AFF3: variants seen among roughly 807,000 people sequenced by gnomAD.
AFF3 encodes the protein ALF transcription elongation factor 3, also known as AF4/FMR2 family member 3.
A neutral mutation model predicts 129.7 loss-of-function variants in AFF3; 32 were observed. The observed-to-expected ratio is 0.25, with a 90% CI of 0.19 to 0.33. The LOEUF (loss-of-function observed/expected upper bound fraction) is 0.33, where lower values mean the gene tolerates loss of function less well. AFF3 is among the 10% of genes least tolerant of loss of function. AFF3 has a pLI of 1.00. For synonymous variants in AFF3, 644 were observed against 635.4 expected (o/e 1.01, Z -0.20); for missense variants, 1,373 against 1,592.0 (o/e 0.86, Z 2.34).
chr2:99,612,806 T>C (rs763505220), intron 13 of AFF3, among the ~76,000 whole-genome samples: 2 of 152,200 alleles, frequency 1.3e-5, no homozygotes, highest in Admixed American at 6.5e-5. Flanking sequence ...TTCCGTGACC[T>C]TGCCTAAATA....
intron 7 of AFF3, among the ~76,000 whole-genome samples, chr2:99,983,059 A>G (rs1458187342): frequency 2.6e-5 from 4 of 152,236 alleles, no homozygotes; most frequent in Non-Finnish European, 5.9e-5. Context: ...CAAAAGTCTC[A>G]GCCCCTTAAA....
In AFF3 at chr2:99,867,962, C is replaced by T. The variant is rs536624575; in HGVS notation, c.874-30438G>A. 4.6e-5 allele frequency among the ~76,000 whole-genome samples: 7 copies of T among 152,200 alleles called. No individual in the cohort carries two copies. The South Asian group carries it at 8.3e-4, about 18-fold the overall frequency. On this transcript the variant is annotated intron_variant, in intron 7 of 24. Coordinates refer to ENST00000672756, the MANE Select transcript of AFF3 (RefSeq NM_001386135.1). ...ACGTGGAGGGAGAGATTAGCGTTCC[C>T]CCACAGCTGTCAAGCTGGGCCCCTC...
chr2:99,592,998 T>C (rs1042691948), intron 15 of AFF3, among the ~76,000 whole-genome samples, 197 bp downstream of exon 15: 4 of 141,312 alleles, frequency 2.8e-5, no homozygotes, highest in Admixed American at 1.6e-4. Flanking sequence ...AGGACTAAGT[T>C]AGATGTTAAG....
intron 8 of AFF3, among the ~76,000 whole-genome samples, chr2:99,810,818 G>A (rs1686732234): frequency 6.6e-6 from 1 of 152,194 alleles, no homozygotes; most frequent in Non-Finnish European, 1.5e-5. Flanking sequence ...GGGAAACTCT[G>A]TTCTTGCTCC....
intron 1 of AFF3, among the ~76,000 whole-genome samples, chr2:100,133,129 G>T (rs185563163): frequency 6.6e-6 from 1 of 151,466 alleles, no homozygotes; most frequent in Non-Finnish European, 1.5e-5. Context: ...GTCTGGGTGC[G>T]GTGGCTCACA....
At chr2:100,077,410 G>A (rs1231408664) in intron 4 of AFF3, among the ~76,000 whole-genome samples, 1 of 152,088 alleles carries the variant, frequency 6.6e-6, no homozygotes, top group Non-Finnish European at 1.5e-5. Context: ...CCGTGAGTCA[G>A]AATGTGGAGC....
chr2:99,596,321 A>G (rs1467111765), intron 14 of AFF3, among the ~76,000 whole-genome samples: 1 of 152,240 alleles, frequency 6.6e-6, no homozygotes, highest in Non-Finnish European at 1.5e-5. Context: ...AAAGCAGGAC[A>G]GTGGGACACG....
chr2:99,603,844 C>T (rs1680074731), intron 13 of AFF3, among the ~76,000 whole-genome samples: 1 of 152,158 alleles, frequency 6.6e-6, no homozygotes, highest in Non-Finnish European at 1.5e-5. Context: ...CAAAAGAAGA[C>T]ATACATGTGG....
At chr2:100,132,097 C>A (rs1464334061) in intron 1 of AFF3, among the ~76,000 whole-genome samples, 3 of 152,196 alleles carry the variant, frequency 2.0e-5, no homozygotes, top group Admixed American at 2.0e-4. Flanking sequence ...CAGGTTGTAC[C>A]TAGGATTCTG....
At chr2:99,591,676 A>AAAC (rs1678694709) in intron 15 of AFF3, among the ~76,000 whole-genome samples, 1 of 152,234 alleles carries the variant, frequency 6.6e-6, no homozygotes, top group Non-Finnish European at 1.5e-5. Flanking sequence ...AATAGCTGTG[A>AAAC]AACGTATGTG....
chr2:100,029,089 A>G (rs1315581002), intron 4 of AFF3, among the ~76,000 whole-genome samples: 1 of 152,198 alleles, frequency 6.6e-6, no homozygotes, highest in African/African-American at 2.4e-5. Context: ...CAACCTTAAG[A>G]AGAAAGAAAA....
rs780881591 is a variant in AFF3 at position 99,578,405 on chromosome 2, C to T, written c.2840G>A (p.Arg947Gln). 15 of 1,611,226 alleles carry T rather than the reference C, an allele frequency of 9.3e-6. No homozygotes were observed. The highest frequency in any genetic ancestry group is 3.4e-5 in the Admixed American group (2 of 59,396). Residue 947 changes from arginine to glutamine, a missense_variant, in exon 18 of 25, where the codon CGG (arginine) becomes CAG (glutamine). Coordinates refer to ENST00000672756, the MANE Select transcript of AFF3 (RefSeq NM_001386135.1). ...TGGAGACCACGGCTTCGTCTGCGGC[C>T]GTGACTTGTGGAGGGGAATGTTTTC... ...NSENIPLHKS[R>Q]PQTKPWSPGS...
intron 13 of AFF3, among the ~76,000 whole-genome samples, chr2:99,647,995 G>T (rs10514778): frequency 0.034 from 5,152 of 152,222 alleles, 106 homozygotes; most frequent in Non-Finnish European, 0.043. Flanking sequence ...AGAAATCTTC[G>T]AATGTATCAG....
intron 7 of AFF3, among the ~76,000 whole-genome samples, chr2:99,884,466 T>A (rs1488858082): frequency 6.6e-6 from 1 of 152,208 alleles, no homozygotes; most frequent in Non-Finnish European, 1.5e-5. Flanking sequence ...TGGCATGATC[T>A]CGGCTCACTG....
intron 11 of AFF3, among the ~76,000 whole-genome samples, chr2:99,685,098 C>T (rs371614577): frequency 6.6e-6 from 1 of 152,176 alleles, no homozygotes; most frequent in South Asian, 2.1e-4. Context: ...GCCACCACAC[C>T]TGGCTAATTT....
At chr2:100,137,508 C>T (rs1055044055) in intron 1 of AFF3, among the ~76,000 whole-genome samples, 15 of 151,590 alleles carry the variant, frequency 9.9e-5, no homozygotes, top group Admixed American at 4.6e-4. Flanking sequence ...GTGCCTGGTG[C>T]GTGCATGTGT....
intron 11 of AFF3, among the ~76,000 whole-genome samples, chr2:99,697,491 T>C (rs1255453287): frequency 1.3e-5 from 2 of 152,224 alleles, no homozygotes. Flanking sequence ...AGAGCAAATA[T>C]AGTGAGGAAG....
At chr2:99,838,166 G>C (rs1689041910) in intron 7 of AFF3, among the ~76,000 whole-genome samples, 2 of 152,170 alleles carry the variant, frequency 1.3e-5, no homozygotes, top group African/African-American at 4.8e-5. Flanking sequence ...GCCGACTCTG[G>C]GGAGCATTTT....
At chr2:100,128,157 A>G (rs1222997142) in intron 2 of AFF3, among the ~76,000 whole-genome samples, 1 of 152,206 alleles carries the variant, frequency 6.6e-6, no homozygotes, top group Non-Finnish European at 1.5e-5. Flanking sequence ...TATCATCCAG[A>G]AATAGCCATA....
Sources: allele counts gnomAD v4.1 joint callset (sites outside exome capture counted in the v4.1 genomes callset), GRCh38; gene constraint gnomAD v4.1.1; transcripts MANE v1.5; gene names NCBI Gene and HGNC (gene_info 2026-07-23, HGNC 2026-07-21).